Variants in LTBP1 observed in about 807,000 individuals in gnomAD.
The protein encoded by LTBP1 is latent transforming growth factor beta binding protein 1, also known as latent-transforming growth factor beta-binding protein 1.
LTBP1 carries 129 observed loss-of-function variants against 207.6 expected under a neutral mutation model. That is an observed-to-expected ratio of 0.62 (90% CI 0.54 to 0.72). The LOEUF (loss-of-function observed/expected upper bound fraction) is 0.72, where lower values mean the gene tolerates loss of function less well. LTBP1 is among the 30% of genes least tolerant of loss of function. The pLI, the probability that LTBP1 is intolerant of heterozygous loss-of-function variation, is 0.00. For missense variants in LTBP1, 2,281 were observed against 2,217.2 expected (o/e 1.03, Z -0.58); for synonymous variants, 963 against 833.7 (o/e 1.16, Z -2.67).
chr2:33,151,646 A>G (rs947462052), intron 5 of LTBP1, among the ~76,000 whole-genome samples: 1 of 151,880 alleles, frequency 6.6e-6, no homozygotes, highest in African/African-American at 2.4e-5. Context: ...TCTAAAGTCC[A>G]TTGTATTATT....
At chr2:33,297,139 G>A (rs2093892325) in intron 20 of LTBP1, among the ~76,000 whole-genome samples, 1 of 152,180 alleles carries the variant, frequency 6.6e-6, no homozygotes. Flanking sequence ...AGAGGAAACA[G>A]CATATGCCAA....
chr2:33,333,877 G>T (rs1278320212), intron 24 of LTBP1, among the ~76,000 whole-genome samples: 1 of 152,076 alleles, frequency 6.6e-6, no homozygotes. Context: ...GAGAAAAAAA[G>T]AAGGTCTAGG....
chr2:33,364,146 A>C, intron 29 of LTBP1, 70 bp from the exon 30 acceptor site: 1 of 1,476,066 alleles, frequency 6.8e-7, no homozygotes, highest in South Asian at 1.3e-5. Flanking sequence ...GCAATGTGTA[A>C]AGTTTGGGAA....
intron 5 of LTBP1, among the ~76,000 whole-genome samples, chr2:33,146,543 C>CATGTATT (rs1432147216): frequency 6.6e-6 from 1 of 152,124 alleles, no homozygotes; most frequent in African/African-American, 2.4e-5. Flanking sequence ...TCATTGATCA[C>CATGTATT]ATGTATTAGT....
At chr2:33,343,228 C>A (rs1461150554) in intron 25 of LTBP1, among the ~76,000 whole-genome samples, 1 of 151,588 alleles carries the variant, frequency 6.6e-6, no homozygotes, top group Non-Finnish European at 1.5e-5. Context: ...ATGGTGAGAT[C>A]TTTTCTCTAT....
intron 22 of LTBP1, among the ~76,000 whole-genome samples, chr2:33,303,527 T>G (rs1005246480): frequency 1.3e-5 from 2 of 151,950 alleles, no homozygotes. Context: ...TTTTTTTGTA[T>G]TTTTAATAGA....
intron 5 of LTBP1, among the ~76,000 whole-genome samples, chr2:33,159,683 G>T (rs2084291069): frequency 6.6e-6 from 1 of 152,080 alleles, no homozygotes; most frequent in African/African-American, 2.4e-5. Flanking sequence ...TATTAGAGAA[G>T]AATTCCCAGA....
chr2:32,982,876 G>A (rs1682981844), intron 2 of LTBP1, among the ~76,000 whole-genome samples: 1 of 152,202 alleles, frequency 6.6e-6, no homozygotes, highest in East Asian at 1.9e-4. Context: ...CAGGGGCAGG[G>A]CCCTCATGGA....
At chr2:33,240,321 A>G (rs1023942081) in intron 9 of LTBP1, among the ~76,000 whole-genome samples, 3 of 152,212 alleles carry the variant, frequency 2.0e-5, no homozygotes, top group Non-Finnish European at 4.4e-5. Context: ...CCATTCACCT[A>G]TCACGTTCCA....
intron 31 of LTBP1, among the ~76,000 whole-genome samples, chr2:33,375,450 C>G (rs1363767787): frequency 6.6e-6 from 1 of 152,170 alleles, no homozygotes; most frequent in African/African-American, 2.4e-5. Flanking sequence ...TGTGCCCGGC[C>G]AGGCTCCTAC....
intron 26 of LTBP1, among the ~76,000 whole-genome samples, chr2:33,356,060 A>G (rs1446285326): frequency 6.6e-6 from 1 of 152,096 alleles, no homozygotes; most frequent in African/African-American, 2.4e-5. Context: ...CAGAAAACCA[A>G]TCACCGAGAC....
At chr2:33,245,467 T>C (rs1019171817) in intron 10 of LTBP1, among the ~76,000 whole-genome samples, 8 of 152,268 alleles carry the variant, frequency 5.3e-5, no homozygotes, top group Admixed American at 2.6e-4. Context: ...CTTTAAAAAC[T>C]GTCAACTGCA....
intron 2 of LTBP1, among the ~76,000 whole-genome samples, chr2:33,003,762 T>C (rs757996352): frequency 5.3e-5 from 8 of 152,136 alleles, no homozygotes; most frequent in Admixed American, 4.6e-4. Context: ...CCCTGACAAA[T>C]AGAGCTGGGA....
intron 24 of LTBP1, among the ~76,000 whole-genome samples, chr2:33,327,524 T>C (rs375322958): frequency 1.3e-5 from 2 of 152,200 alleles, no homozygotes; most frequent in South Asian, 2.1e-4. Context: ...TAAGGAAAGA[T>C]ATAGTAAATT....
Position 33,399,296 on chromosome 2 carries a change from A to T in LTBP1, c.*751A>T, listed in dbSNP as rs903230506. 6 of 152,362 alleles carry T rather than the reference A, an allele frequency of 3.9e-5. No homozygotes were observed. The highest frequency in any genetic ancestry group is 1.9e-4 in the East Asian group (1 of 5,194). The allele number at this position is 152,362 out of a possible 1,614,324, so 9.4% of individuals were successfully genotyped here. A position where few individuals can be genotyped will look rare whatever the true frequency, so the allele number is the denominator to read the frequency against. On this transcript the variant is annotated 3_prime_UTR_variant, in exon 34 of 34. Coordinates refer to ENST00000404816, the MANE Select transcript of LTBP1 (RefSeq NM_206943.4). ...TAAAGTAAGCCCAACAAAAATTTTT[A>T]AAAATTTGATGATCCCCAATATATC...
chr2:33,129,636 A>T (rs2150515451), intron 4 of LTBP1, among the ~76,000 whole-genome samples: 1 of 152,362 alleles, frequency 6.6e-6, no homozygotes, highest in South Asian at 2.1e-4. Context: ...ATATTTAATT[A>T]AAAATGGTTT....
At chr2:33,103,254 CTATGTTGTATACAGTCTG>C in intron 3 of LTBP1, among the ~76,000 whole-genome samples, 1 of 150,118 alleles carries the variant, frequency 6.7e-6, no homozygotes, top group South Asian at 2.1e-4. Context: ...TATGCAGTCT[CTATGTTGTATACAGTCTG>C]TATGCTGTAT....
At chr2:33,082,432 C>CTTTTTT (rs56058653) in intron 3 of LTBP1, among the ~76,000 whole-genome samples, 3 of 29,354 alleles carry the variant, frequency 1.0e-4, no homozygotes, top group African/African-American at 3.3e-4. Context: ...GTATGACTCA[C>CTTTTTT]TTTTTTTTTT....
intron 5 of LTBP1, among the ~76,000 whole-genome samples, chr2:33,179,107 C>G (rs1302038744): frequency 6.6e-6 from 1 of 152,152 alleles, no homozygotes; most frequent in Non-Finnish European, 1.5e-5. Context: ...TTGTCCAACC[C>G]CAGCCCATGG....
Sources: allele counts gnomAD v4.1 joint callset (sites outside exome capture counted in the v4.1 genomes callset), GRCh38; gene constraint gnomAD v4.1.1; transcripts MANE v1.5; gene names NCBI Gene and HGNC (gene_info 2026-07-23, HGNC 2026-07-21).